The following FAM131C variants were observed in gnomAD, a reference collection of about 807,000 sequenced individuals.
FAM131C encodes the protein family with sequence similarity 131 member C, also known as protein FAM131C.
In FAM131C, 14 loss-of-function variants were observed where a neutral mutation model predicts 29.8. That is an observed-to-expected ratio of 0.47 (90% CI 0.31 to 0.73). The LOEUF is 0.73. Among genes scored for constraint, FAM131C ranks in the 30% least tolerant of loss-of-function variants. The pLI is 0.05. For missense variants in FAM131C, 252 were observed against 383.8 expected (o/e 0.66, Z 2.87); for synonymous variants, 86 against 157.8 (o/e 0.54, Z 3.41).
At chr1:16,064,838 TG>T (rs1163384071) in intron 1 of FAM131C, among the ~76,000 whole-genome samples, 1 of 152,224 alleles carries the variant, frequency 6.6e-6, no homozygotes, top group Non-Finnish European at 1.5e-5. Context: ...GGAAAATCCG[TG>T]GGGCCAACTC....
At chr1:16,065,525 T>A (rs1467880911) in intron 1 of FAM131C, among the ~76,000 whole-genome samples, 2 of 152,230 alleles carry the variant, frequency 1.3e-5, no homozygotes, top group Non-Finnish European at 2.9e-5. Context: ...CTCCTGTTTT[T>A]GCCCTGGCGC....
chr1:16,071,147 T>A (rs2124136995), intron 1 of FAM131C, among the ~76,000 whole-genome samples: 1 of 152,332 alleles, frequency 6.6e-6, no homozygotes, highest in South Asian at 2.1e-4. Flanking sequence ...AGGCTATGAT[T>A]AGCAATCGAT....
At chr1:16,070,947 T>C (rs1015371898) in intron 1 of FAM131C, among the ~76,000 whole-genome samples, 4 of 152,232 alleles carry the variant, frequency 2.6e-5, no homozygotes, top group Non-Finnish European at 5.9e-5. Context: ...ATGGGGTGAT[T>C]TTCCCAGGTG....
At chr1:16,061,744 G>C (rs370146088) in intron 4 of FAM131C, among the ~76,000 whole-genome samples, 3,228 of 151,808 alleles carry the variant, frequency 0.021, 76 homozygotes, top group African/African-American at 0.068. Flanking sequence ...ATTCCCCAGG[G>C]AATCACCTGC....
rs545581137 is a variant in FAM131C, at chr1:16,059,406, C to T, written c.562+88G>A. 60 of 1,529,632 alleles carry T rather than the reference C, an allele frequency of 3.9e-5. 1 individual carries two copies. Among genetic ancestry groups the T allele is most frequent in the South Asian group, 1.2e-4 (10 of 82,600 alleles). 94.8% of individuals were successfully genotyped at this position (1,529,632 alleles called of 1,614,324 possible). On this transcript the variant is annotated intron_variant, in intron 6 of 6. Coordinates refer to ENST00000375662, the MANE Select transcript of FAM131C (RefSeq NM_182623.3). ...GGCTGAGAAAAGGAAGGGGCTTGGC[C>T]GAGGTCACACTGCCTTTGGTGATGG...
At chr1:16,059,431 G>T in intron 6 of FAM131C, 63 bp downstream of exon 6, 4 of 1,574,930 alleles carry the variant, frequency 2.5e-6, no homozygotes, top group Non-Finnish European at 3.5e-6. Flanking sequence ...TTTGGTGATG[G>T]GCAGCCATCC....
chr1:16,069,991 G>A (rs1334425624), intron 1 of FAM131C, among the ~76,000 whole-genome samples: 3 of 152,018 alleles, frequency 2.0e-5, no homozygotes, highest in Non-Finnish European at 4.4e-5. Context: ...TCTTGAACTC[G>A]TGGGCTCAAG....
In FAM131C at chr1:16,062,146, C is replaced by T. The variant is rs377068909; in HGVS notation, c.221G>A (p.Arg74His). ...GGCTGCCACGTTGTAGTTGCCGGGG[C>T]GGGATCTGGAGTCGGACAGGTAGCC... Reference protein sequence around the residue: ...TNGYLSDSRSRPGNYNVAALA... With the variant: ...TNGYLSDSRSHPGNYNVAALA... The change falls in exon 4 of 7, where the codon CGC becomes CAC. Residue 74 changes from arginine to histidine, a missense_variant. Arg to His is a conservative substitution (Grantham distance 29, BLOSUM62 0). Around this residue, in one of 6 missense-constraint regions of FAM131C, gnomAD observed 52 missense variants for 105.9 expected, o/e 0.49. Coordinates refer to ENST00000375662, the MANE Select transcript of FAM131C (RefSeq NM_182623.3). 33 of 1,611,822 alleles carry T rather than the reference C, an allele frequency of 2.0e-5. No individual in the cohort carries two copies. The African/African-American group carries it at 2.5e-4, about 12-fold the overall frequency.
At position 16,062,389 on chromosome 1, in the gene FAM131C, C is replaced by T. The variant is rs540435368; in HGVS notation, c.174+110G>A. On this transcript the variant is annotated intron_variant, in intron 3 of 6. Coordinates refer to ENST00000375662, the MANE Select transcript of FAM131C (RefSeq NM_182623.3). The stretch of plus-strand genomic sequence containing the variant: ...CCCACTGTTTCATCAGGCCCCCCCC[C>T]CCCCCGCCCCAGGGCCAGCAGGACT... The T allele has an allele frequency of 9.7e-6, 12 of 1,242,930 alleles. 1 individual carries two copies. Among genetic ancestry groups the T allele is most frequent in the South Asian group, 1.6e-5 (1 of 63,932 alleles). 77.0% of individuals were successfully genotyped at this position (1,242,930 alleles called of 1,614,324 possible).
intron 1 of FAM131C, among the ~76,000 whole-genome samples, chr1:16,065,587 C>T (rs1268583745): frequency 6.6e-6 from 1 of 152,334 alleles, no homozygotes; most frequent in East Asian, 1.9e-4. Context: ...CAGGGGCTGC[C>T]CTAGGTAAAT....
At chr1:16,059,650 GGCCTCAGTGCCTGATGGA>G in intron 5 of FAM131C, 46 bp from the exon 6 acceptor site, 1 of 1,500,906 alleles carries the variant, frequency 6.7e-7, no homozygotes, top group South Asian at 1.3e-5. Context: ...GGGTGGGGAC[GGCCTCAGTGCCTGATGGA>G]GCTGCTCCAG....
intron 4 of FAM131C, among the ~76,000 whole-genome samples, chr1:16,061,148 GA>G (rs2023587767): frequency 6.6e-6 from 1 of 152,180 alleles, no homozygotes; most frequent in African/African-American, 2.4e-5. Flanking sequence ...AGAGAGTGGG[GA>G]AAATGGGAAA....
At chr1:16,060,649 A>C (rs1340344304) in intron 4 of FAM131C, among the ~76,000 whole-genome samples, 1 of 152,164 alleles carries the variant, frequency 6.6e-6, no homozygotes, top group Non-Finnish European at 1.5e-5. Context: ...TTCATTTCAA[A>C]GATGAGAAGA....
Position 16,058,750 on chromosome 1 carries a change from G to A in FAM131C, c.563-33C>T, listed in dbSNP as rs202062551. ...AGCAAGGGGGTGATGGGGGAATGGC[G>A]TCCCAGATCCAGCTCCTCGCCCTCT... On this transcript the variant is annotated intron_variant, in intron 6 of 6. Transcript: ENST00000375662. The A allele has an allele frequency of 6.5e-3, 9,569 of 1,478,088 alleles. 29 individuals are homozygous for A. The highest frequency in any genetic ancestry group is 0.03 in the Middle Eastern group (130 of 4,392). 91.6% of individuals were successfully genotyped at this position (1,478,088 alleles called of 1,614,324 possible).
chr1:16,070,401 C>T lies in FAM131C; in HGVS notation c.22+3020G>A, dbSNP rs78995258. Among the ~76,000 whole-genome samples the T allele has an allele frequency of 5.4e-3, 818 of 152,120 alleles. 8 individuals are homozygous for T. Among genetic ancestry groups the T allele is most frequent in the African/African-American group, 0.018 (735 of 41,566 alleles). ...CTCAGCACCTCGAGTGCCTGCCACC[C>T]GCTGCCTTTCCCATGAGGCAGGATG... On this transcript the variant is annotated intron_variant, in intron 1 of 6. Coordinates refer to ENST00000375662, the MANE Select transcript of FAM131C (RefSeq NM_182623.3).
intron 1 of FAM131C, among the ~76,000 whole-genome samples, chr1:16,067,187 C>A (rs2023693237): frequency 6.6e-6 from 1 of 152,212 alleles, no homozygotes. Context: ...GTGCCTCCAC[C>A]AAAGCTGCCT....
intron 1 of FAM131C, among the ~76,000 whole-genome samples, chr1:16,073,000 G>A (rs1418528711): frequency 1.3e-5 from 2 of 152,216 alleles, no homozygotes; most frequent in East Asian, 1.9e-4. Context: ...AAGGGGCTGT[G>A]GGGGTGAGCT....
intron 1 of FAM131C, among the ~76,000 whole-genome samples, chr1:16,065,073 G>T (rs79926666): frequency 6.6e-6 from 1 of 152,028 alleles, no homozygotes; most frequent in African/African-American, 2.4e-5. Flanking sequence ...TCCGCTGCCC[G>T]CTGCCCATGT....
intron 1 of FAM131C, among the ~76,000 whole-genome samples, chr1:16,071,045 C>T (rs1197231992): frequency 1.3e-5 from 2 of 152,270 alleles, no homozygotes; most frequent in Non-Finnish European, 2.9e-5. Flanking sequence ...CTGAGGCCTG[C>T]AATCCTTGGC....
Sources: gnomAD v4.1 joint callset for allele counts (sites outside exome capture counted in the v4.1 genomes callset) on GRCh38, gnomAD v4.1.1 for gene constraint, gnomAD v4.1.1 regional missense constraint, MANE v1.5 for transcripts, NCBI Gene and HGNC (gene_info 2026-07-23, HGNC 2026-07-21) for gene names.